Variants in SP5 observed in about 807,000 individuals in gnomAD.
The protein encoded by SP5 is transcription factor Sp5.
Under a neutral mutation model 27.4 loss-of-function variants are expected in SP5, and 12 were observed. The ratio of observed to expected loss-of-function variants is 0.44; its 90% CI spans 0.28 to 0.71. The LOEUF is 0.71. SP5 is among the 30% of genes least tolerant of loss of function. The pLI, the probability that SP5 is intolerant of heterozygous loss-of-function variation, is 0.15. For missense variants in SP5, 660 were observed against 589.8 expected (o/e 1.12, Z -1.23); for synonymous variants, 330 against 290.7 (o/e 1.14, Z -1.38).
In SP5 at chr2:170,716,950, C is replaced by A. The variant is rs868654255; in HGVS notation, c.743C>A (p.Ala248Glu). The change falls in exon 2 of 2, where the codon GCG (alanine) becomes GAG (glutamate). Residue 248 changes from alanine (A) to glutamate (E), a missense_variant. Transcript: ENST00000375281. ...RGLVLGPSDFAQYQSQIAALL... is the reference protein window; with the variant it reads ...RGLVLGPSDFEQYQSQIAALL... The stretch of plus-strand genomic sequence containing the variant: ...CTGGTGTTGGGCCCGTCGGACTTTG[C>A]GCAGTACCAGAGCCAGATCGCCGCG... 2.6e-6 allele frequency: 4 copies of A among 1,547,572 alleles called. No individual in the cohort carries two copies. In the Admixed American group the frequency reaches 5.9e-5, roughly 23 times the overall value.
Position 170,717,171 on chromosome 2 carries a change from G to A in SP5, c.964G>A (p.Gly322Ser). The A allele has an allele frequency of 6.2e-7, 1 of 1,607,118 alleles. No homozygotes were observed. The highest frequency in any genetic ancestry group is 8.5e-7 in the Non-Finnish European group (1 of 1,177,752). ...GAAGGCGCACCTGCGCTGGCACACG[G>A]GCGAGCGACCCTTCGTGTGCAACTG... ...HLKAHLRWHTGERPFVCNWLF... is the reference protein window; with the variant it reads ...HLKAHLRWHTSERPFVCNWLF... The change falls in exon 2 of 2, where the codon GGC (glycine) becomes AGC (serine). Residue 322 changes from glycine to serine, a missense_variant. By Grantham distance (56) the Gly-to-Ser change is moderately conservative (BLOSUM62 0). Coordinates refer to ENST00000375281, the MANE Select transcript of SP5 (RefSeq NM_001003845.3).
Position 170,716,994 on chromosome 2 carries a change from C to A in SP5, c.787C>A (p.Pro263Thr). The A allele has an allele frequency of 6.5e-7, 1 of 1,547,774 alleles. No homozygotes were observed. The highest frequency in any genetic ancestry group is 8.7e-7 in the Non-Finnish European group (1 of 1,146,418). The change falls in exon 2 of 2, where the codon CCC becomes ACC. Residue 263 changes from proline to threonine, a missense_variant. By Grantham distance (38) the Pro-to-Thr change is conservative. Transcript: ENST00000375281. ...CGCCGCGCTGCTGCAGACCAAGGCCCCCCTGGCGGCCACGGCCAGGAGGTG... is the reference window on the plus strand; with the variant it reads ...CGCCGCGCTGCTGCAGACCAAGGCCACCCTGGCGGCCACGGCCAGGAGGTG... Reference protein sequence around the residue: ...QIAALLQTKAPLAATARRCRR... With the variant: ...QIAALLQTKATLAATARRCRR...
chr2:170,715,604 G>A (rs1251702371), intron 1 of SP5, 41 bp downstream of exon 1: 2 of 1,537,122 alleles, frequency 1.3e-6, no homozygotes, highest in Non-Finnish European at 1.8e-6. Context: ...AAGGTGGAAA[G>A]GGCCGTGTCC....
In SP5 at chr2:170,717,451, CG is replaced by C; in HGVS notation, c.*51del. The C allele has an allele frequency of 6.3e-7, 1 of 1,596,012 alleles. No homozygotes were observed. The highest frequency in any genetic ancestry group is 8.5e-7 in the Non-Finnish European group (1 of 1,175,436). The stretch of plus-strand genomic sequence containing the variant: ...CTTCCCAGCACCTCTGCGAGAGATC[CG>C]GGGACCTGTGGGCAGCTGGCGGAGG... On this transcript the variant is annotated 3_prime_UTR_variant, in exon 2 of 2. Coordinates refer to ENST00000375281, the MANE Select transcript of SP5 (RefSeq NM_001003845.3).
In SP5 at chr2:170,717,705, G is replaced by A. The variant is rs1440135088; in HGVS notation, c.*301G>A. The stretch of plus-strand genomic sequence containing the variant: ...ACCTACAGTTTCGGGGGACCACCCT[G>A]GTCTGGCCTTGTATATAGGAAATGC... On this transcript the variant is annotated 3_prime_UTR_variant, in exon 2 of 2. Coordinates refer to ENST00000375281, the MANE Select transcript of SP5 (RefSeq NM_001003845.3). 3.9e-6 allele frequency: 2 copies of A among 514,898 alleles called. No individual in the cohort carries two copies. The highest frequency in any genetic ancestry group is 7.0e-6 in the Non-Finnish European group (2 of 287,012). The allele number at this position is 514,898 out of a possible 1,614,324, so 31.9% of individuals were successfully genotyped here.
At chr2:170,716,183 G>T in intron 1 of SP5, 76 bp from the exon 2 acceptor site, 2 of 1,500,142 alleles carry the variant, frequency 1.3e-6, no homozygotes, top group Non-Finnish European at 1.8e-6. Flanking sequence ...GGGCGTGGGG[G>T]CGGCGGGCTG....
rs906926826 is a variant in SP5, at chr2:170,716,997, C to A, written c.790C>A (p.Leu264Met). 3.2e-6 allele frequency: 5 copies of A among 1,547,764 alleles called. No individual in the cohort carries two copies. The highest frequency in any genetic ancestry group is 2.1e-4 in the Middle Eastern group (1 of 4,686). The change falls in exon 2 of 2, where the codon CTG becomes ATG. Residue 264 changes from leucine (L) to methionine (M), a missense_variant. By Grantham distance (15) the Leu-to-Met change is conservative. Coordinates refer to ENST00000375281, the MANE Select transcript of SP5 (RefSeq NM_001003845.3). ...IAALLQTKAP[L>M]AATARRCRRC... Reference sequence around the variant, plus strand: ...CGCGCTGCTGCAGACCAAGGCCCCCCTGGCGGCCACGGCCAGGAGGTGCCG... The same window carrying A: ...CGCGCTGCTGCAGACCAAGGCCCCCATGGCGGCCACGGCCAGGAGGTGCCG...
In SP5 at chr2:170,717,488, C is replaced by T. The variant is rs1187185496; in HGVS notation, c.*84C>T. On this transcript the variant is annotated 3_prime_UTR_variant, in exon 2 of 2. Transcript: ENST00000375281. The stretch of plus-strand genomic sequence containing the variant: ...GGCAGCTGGCGGAGGGGAGACTCAG[C>T]AGACGGACCCTCTCCGTTGCCTGCC... The T allele has an allele frequency of 2.0e-5, 31 of 1,513,066 alleles. No homozygotes were observed. Among genetic ancestry groups the T allele is most frequent in the South Asian group, 2.4e-5 (2 of 82,574 alleles). The allele number at this position is 1,513,066 out of a possible 1,614,324, so 93.7% of individuals were successfully genotyped here. A position where few individuals can be genotyped will look rare whatever the true frequency, so the allele number is the denominator to read the frequency against.
chr2:170,717,001 C>G lies in SP5; in HGVS notation c.794C>G (p.Ala265Gly), dbSNP rs1034805545. 1.8e-5 allele frequency: 28 copies of G among 1,547,570 alleles called. No individual in the cohort carries two copies. The highest frequency in any genetic ancestry group is 2.4e-5 in the Non-Finnish European group (27 of 1,146,390). ...CTGCTGCAGACCAAGGCCCCCCTGGCGGCCACGGCCAGGAGGTGCCGCCGC... is the reference window on the plus strand; with the variant it reads ...CTGCTGCAGACCAAGGCCCCCCTGGGGGCCACGGCCAGGAGGTGCCGCCGC... Reference protein sequence around the residue: ...AALLQTKAPLAATARRCRRCR... With the variant: ...AALLQTKAPLGATARRCRRCR... Residue 265 changes from alanine (A) to glycine (G), a missense_variant, in exon 2 of 2, where the codon GCG becomes GGG. By Grantham distance (60) the Ala-to-Gly change is moderately conservative. Coordinates refer to ENST00000375281, the MANE Select transcript of SP5 (RefSeq NM_001003845.3).
chr2:170,716,545 T>C lies in SP5; in HGVS notation c.338T>C (p.Leu113Pro). 6.2e-7 allele frequency: 1 copy of C among 1,610,972 alleles called. No homozygotes were observed. Among genetic ancestry groups the C allele is most frequent in the Non-Finnish European group, 8.5e-7 (1 of 1,179,190 alleles). The change falls in exon 2 of 2, where the codon CTT becomes CCT. Residue 113 changes from leucine (L) to proline (P), a missense_variant. Leu to Pro is a moderately conservative substitution (Grantham distance 98, BLOSUM62 -3). Coordinates refer to ENST00000375281, the MANE Select transcript of SP5 (RefSeq NM_001003845.3). ...PSFGAAHELP[L>P]TPPADPSYPY... ...TTCGGGGCTGCGCACGAGCTTCCCC[T>C]TACACCCCCCGCCGACCCCTCGTAC... is the stretch of plus-strand genomic sequence containing the variant.
Position 170,717,082 on chromosome 2 carries a change from A to G in SP5, c.875A>G (p.Lys292Arg). The G allele has an allele frequency of 6.4e-7, 1 of 1,566,146 alleles. No homozygotes were observed. The highest frequency in any genetic ancestry group is 1.4e-5 in the African/African-American group (1 of 73,890). ...AGGAPEAEPG[K>R]KKQHVCHVPG... ...GGCGCCCCCGAGGCGGAGCCGGGGA[A>G]GAAGAAGCAGCACGTGTGCCACGTG... is the stretch of plus-strand genomic sequence containing the variant. The change falls in exon 2 of 2, where the codon AAG becomes AGG. Residue 292 changes from lysine (K) to arginine (R), a missense_variant. Transcript: ENST00000375281.
chr2:170,716,227 C>T, intron 1 of SP5, 32 bp from the exon 2 acceptor site: 1 of 1,570,308 alleles, frequency 6.4e-7, no homozygotes, highest in South Asian at 1.1e-5. Flanking sequence ...AACCTTTTGT[C>T]TCTTCTCCGC....
rs1700084756 is a variant in SP5, at chr2:170,716,991, GC to G, written c.790del (p.Leu264TrpfsTer50). The G allele has an allele frequency of 6.5e-7, 1 of 1,547,674 alleles. No homozygotes were observed. The highest frequency in any genetic ancestry group is 8.7e-7 in the Non-Finnish European group (1 of 1,146,394). On this transcript the variant is annotated frameshift_variant, in exon 2 of 2. Transcript: ENST00000375281. LOFTEE classifies it high-confidence loss of function. Reference protein sequence around the residue: ...SQIAALLQTKAPLAATARRCR... With the variant: ...SQIAALLQTKXPLAATARRCR... ...GATCGCCGCGCTGCTGCAGACCAAGGCCCCCCTGGCGGCCACGGCCAGGAGG... is the reference window on the plus strand; with the variant it reads ...GATCGCCGCGCTGCTGCAGACCAAGGCCCCCTGGCGGCCACGGCCAGGAGG...
intron 1 of SP5, chr2:170,715,873 G>C (rs1221138895): frequency 1.0e-5 from 10 of 985,328 alleles, no homozygotes; most frequent in Admixed American, 1.2e-4. Flanking sequence ...GTGAGGACAA[G>C]AGAGCTTAAA....
Position 170,717,566 on chromosome 2 carries a change from C to A in SP5, c.*162C>A. 2.1e-6 allele frequency: 2 copies of A among 962,388 alleles called. No homozygotes were observed. Among genetic ancestry groups the A allele is most frequent in the Non-Finnish European group, 1.5e-6 (1 of 661,750 alleles). 59.6% of individuals were successfully genotyped at this position (962,388 alleles called of 1,614,324 possible). ...TCCGCTGCCTTCGGACATAGGGACC[C>A]AGTTCCCAGGAGCGGGGAGGTAGGG... On this transcript the variant is annotated 3_prime_UTR_variant, in exon 2 of 2. Coordinates refer to ENST00000375281, the MANE Select transcript of SP5 (RefSeq NM_001003845.3).
chr2:170,715,947 G>A (rs1700055569), intron 1 of SP5: 13 of 1,345,622 alleles, frequency 9.7e-6, no homozygotes, highest in Non-Finnish European at 1.0e-5. Flanking sequence ...ACTGACCACG[G>A]AGCCGGGAGG....
rs1405704445 is a variant in SP5 at position 170,716,719 on chromosome 2, C to T, written c.512C>T (p.Pro171Leu). The change falls in exon 2 of 2, where the codon CCG becomes CTG. Residue 171 changes from proline (P) to leucine (L), a missense_variant. Coordinates refer to ENST00000375281, the MANE Select transcript of SP5 (RefSeq NM_001003845.3). ...CTGCCTCCGCCGCCGCCACCGCCCC[C>T]GCCGCCCACCTGCCGCCAGTTGTCA... ...NLLPPPPPPPPPPTCRQLSPN... is the reference protein window; with the variant it reads ...NLLPPPPPPPLPPTCRQLSPN... 1 of 1,490,150 alleles carries T rather than the reference C, an allele frequency of 6.7e-7. No homozygotes were observed. The highest frequency in any genetic ancestry group is 1.3e-5 in the South Asian group (1 of 78,056). The allele number at this position is 1,490,150 out of a possible 1,614,324, so 92.3% of individuals were successfully genotyped here.
Position 170,716,462 on chromosome 2 carries a change from G to T in SP5, c.255G>T (p.Leu85=). Residue 85 remains leucine, a synonymous_variant, in exon 2 of 2, where the codon CTG becomes CTT. Coordinates refer to ENST00000375281, the MANE Select transcript of SP5 (RefSeq NM_001003845.3). ...ADMPAHSPGA[L]PPPHPSLGLT... is the part of the protein sequence containing the mutation. Reference sequence around the variant, plus strand: ...TGCCGGCGCACTCGCCAGGCGCACTGCCGCCCCCGCATCCCAGCTTGGGGC... The same window carrying T: ...TGCCGGCGCACTCGCCAGGCGCACTTCCGCCCCCGCATCCCAGCTTGGGGC... 6.2e-7 allele frequency: 1 copy of T among 1,606,584 alleles called. No homozygotes were observed. Among genetic ancestry groups the T allele is most frequent in the Non-Finnish European group, 8.5e-7 (1 of 1,179,044 alleles).
At chr2:170,715,628 T>TA in intron 1 of SP5, 65 bp downstream of exon 1, 1 of 1,520,802 alleles carries the variant, frequency 6.6e-7, no homozygotes, top group Non-Finnish European at 8.8e-7. Context: ...TCTCTCCTGG[T>TA]ACTCCGTGCA....
Sources: gnomAD v4.1 joint callset for allele counts on GRCh38, gnomAD v4.1.1 for gene constraint, MANE v1.5 for transcripts, NCBI Gene and HGNC (gene_info 2026-07-23, HGNC 2026-07-21) for gene names.